BTBD9: variants seen among roughly 807,000 people sequenced by gnomAD.
BTBD9 encodes BTB domain containing 9, also known as BTB/POZ domain-containing protein 9.
BTBD9 carries 49 observed loss-of-function variants against 64.3 expected under a neutral mutation model. The ratio of observed to expected loss-of-function variants is 0.76; its 90% CI spans 0.61 to 0.97. The LOEUF is 0.97. Among genes scored for constraint, BTBD9 ranks in the 50% least tolerant of loss-of-function variants. The probability of loss-of-function intolerance (pLI) is 0.00; values close to 1 mark genes in which losing one functional copy is unlikely to be tolerated. For synonymous variants in BTBD9, 260 were observed against 274.7 expected (o/e 0.95, Z 0.53); for missense variants, 598 against 762.1 (o/e 0.78, Z 2.53).
chr6:38,331,449 G>C (rs1039207763), intron 7 of BTBD9, among the ~76,000 whole-genome samples: 1 of 152,192 alleles, frequency 6.6e-6, no homozygotes, highest in Admixed American at 6.5e-5. Context: ...CTGCACTCCA[G>C]CCTGGGCAAC....
intron 4 of BTBD9, among the ~76,000 whole-genome samples, chr6:38,582,491 C>G (rs1353680942): frequency 1.3e-5 from 2 of 152,146 alleles, no homozygotes; most frequent in African/African-American, 4.8e-5. Context: ...CAGGAAGTAG[C>G]AGAGCTGAGA....
chr6:38,547,734 A>G (rs1562324650), intron 6 of BTBD9, among the ~76,000 whole-genome samples: 1 of 152,192 alleles, frequency 6.6e-6, no homozygotes, highest in East Asian at 1.9e-4. Flanking sequence ...CAGCTTAAAC[A>G]TCATTTCCTC....
At chr6:38,498,909 A>G (rs1394119456) in intron 6 of BTBD9, among the ~76,000 whole-genome samples, 1 of 152,202 alleles carries the variant, frequency 6.6e-6, no homozygotes, top group Non-Finnish European at 1.5e-5. Flanking sequence ...GACCTGTACA[A>G]TCAAGTTAAA....
chr6:38,406,543 T>C (rs937446616), intron 6 of BTBD9, among the ~76,000 whole-genome samples: 2 of 152,176 alleles, frequency 1.3e-5, no homozygotes, highest in African/African-American at 4.8e-5. Context: ...GTGGTAGTAC[T>C]AGAAGAATTG....
At chr6:38,302,483 A>ATGTATGTGTGTGTGTG (rs1554137006) in intron 7 of BTBD9, among the ~76,000 whole-genome samples, 2 of 78,534 alleles carry the variant, frequency 2.5e-5, no homozygotes, top group African/African-American at 1.1e-4. Flanking sequence ...CATTGTGTGT[A>ATGTATGTGTGTGTGTG]TGTATATATA....
intron 1 of BTBD9, among the ~76,000 whole-genome samples, chr6:38,638,601 T>A (rs1252591500): frequency 1.3e-5 from 2 of 152,260 alleles, no homozygotes; most frequent in Non-Finnish European, 2.9e-5. Context: ...CCGAGTAATC[T>A]AATAAGTGTT....
chr6:38,375,723 C>T (rs147152707), intron 6 of BTBD9, among the ~76,000 whole-genome samples: 17 of 152,030 alleles, frequency 1.1e-4, no homozygotes, highest in Admixed American at 2.6e-4. Flanking sequence ...GGTTTGGTTG[C>T]GAAGGATAAA....
chr6:38,191,993 A>G (rs1762094034), intron 10 of BTBD9, among the ~76,000 whole-genome samples: 2 of 152,212 alleles, frequency 1.3e-5, no homozygotes, highest in Admixed American at 6.5e-5. Context: ...GAAAGGTAAA[A>G]TTGCAGAAAT....
At chr6:38,310,485 T>C (rs929256464) in intron 7 of BTBD9, among the ~76,000 whole-genome samples, 6 of 152,068 alleles carry the variant, frequency 3.9e-5, no homozygotes, top group African/African-American at 1.4e-4. Context: ...AAAATTAATC[T>C]AGATTGAGGA....
Position 38,194,803 on chromosome 6 carries a change from GTCTGGGC to G in BTBD9, c.1563-2213_1563-2207del, listed in dbSNP as rs1022387138. ...CCTCCACTCTCCTCTCCCTACGTCAGTCTGGGCTCTGGGCTCTGGCCCCACTGCCCTT... is the reference window on the plus strand; with the variant it reads ...CCTCCACTCTCCTCTCCCTACGTCAGTCTGGGCTCTGGCCCCACTGCCCTT... On this transcript the variant is annotated intron_variant, in intron 9 of 10. Transcript: ENST00000481247. Among the ~76,000 whole-genome samples the G allele has an allele frequency of 2.0e-5, 3 of 152,278 alleles. No homozygotes were observed. In the East Asian group the frequency reaches 5.8e-4, roughly 29 times the overall value.
Position 38,171,846 on chromosome 6 carries a change from C to CAAAAAAAAAAAAAAAAAAAAAAAAAA in BTBD9, c.*3113_*3138dup, listed in dbSNP as rs869155666. Reference sequence around the variant, plus strand: ...TCCAATGAAGTTGCCTTTCTACTCTCAAAAAAAAAAAAAAAAAAAAAAAAA... The same window carrying CAAAAAAAAAAAAAAAAAAAAAAAAAA: ...TCCAATGAAGTTGCCTTTCTACTCTCAAAAAAAAAAAAAAAAAAAAAAAAAAAAAAAAAAAAAAAAAAAAAAAAAAA... On this transcript the variant is annotated 3_prime_UTR_variant, in exon 11 of 11. Coordinates refer to ENST00000481247, the MANE Select transcript of BTBD9 (RefSeq NM_001099272.2). The CAAAAAAAAAAAAAAAAAAAAAAAAAA allele has an allele frequency of 1.0e-4, 8 of 79,234 alleles. 1 individual carries two copies. The highest frequency in any genetic ancestry group is 1.1e-4 in the Non-Finnish European group (5 of 45,714). The allele number at this position is 79,234 out of a possible 1,614,324, so 4.9% of individuals were successfully genotyped here.
chr6:38,458,557 A>C (rs1173244857), intron 6 of BTBD9, among the ~76,000 whole-genome samples: 1 of 152,222 alleles, frequency 6.6e-6, no homozygotes, highest in Non-Finnish European at 1.5e-5. Flanking sequence ...CTTTATTGGA[A>C]GGAAAAATGT....
At chr6:38,191,700 G>C (rs1032736022) in intron 10 of BTBD9, among the ~76,000 whole-genome samples, 1 of 152,200 alleles carries the variant, frequency 6.6e-6, no homozygotes. Flanking sequence ...AGGCCAAGCA[G>C]AACCCAGGCA....
intron 9 of BTBD9, among the ~76,000 whole-genome samples, chr6:38,193,213 A>T (rs1055559443): frequency 6.6e-6 from 1 of 152,122 alleles, no homozygotes; most frequent in African/African-American, 2.4e-5. Context: ...TCTGAGCGGG[A>T]GCAGCTACTC....
At chr6:38,568,862 T>C (rs1028546220) in intron 6 of BTBD9, among the ~76,000 whole-genome samples, 3 of 152,198 alleles carry the variant, frequency 2.0e-5, no homozygotes, top group African/African-American at 7.2e-5. Flanking sequence ...AGTCTTTTAA[T>C]CTTAAAGAAA....
intron 9 of BTBD9, among the ~76,000 whole-genome samples, chr6:38,194,383 C>A (rs945253938): frequency 8.5e-5 from 13 of 152,152 alleles, no homozygotes; most frequent in Non-Finnish European, 1.5e-4. Context: ...TCAGGCCACG[C>A]CTCCAGAAAG....
chr6:38,317,122 A>C (rs531210095), intron 7 of BTBD9, among the ~76,000 whole-genome samples: 1 of 151,978 alleles, frequency 6.6e-6, no homozygotes, highest in Non-Finnish European at 1.5e-5. Flanking sequence ...CAGCCTCCCA[A>C]GTAGCTGGGA....
chr6:38,498,362 A>G (rs1772047565), intron 6 of BTBD9, among the ~76,000 whole-genome samples: 1 of 152,094 alleles, frequency 6.6e-6, no homozygotes, highest in Admixed American at 6.5e-5. Context: ...AGACTGTACT[A>G]AACAGTTCTA....
intron 7 of BTBD9, among the ~76,000 whole-genome samples, chr6:38,327,745 G>A (rs971617740): frequency 5.9e-5 from 9 of 152,120 alleles, no homozygotes; most frequent in African/African-American, 1.9e-4. Context: ...ATCTGCTTTC[G>A]TTGTCACAGA....
Sources: allele counts gnomAD v4.1 joint callset (sites outside exome capture counted in the v4.1 genomes callset), GRCh38; gene constraint gnomAD v4.1.1; transcripts MANE v1.5; gene names NCBI Gene and HGNC (gene_info 2026-07-23, HGNC 2026-07-21).